The following STK32B variants were observed in gnomAD, a reference collection of about 807,000 sequenced individuals.
The protein encoded by STK32B is serine/threonine kinase 32B.
A neutral mutation model predicts 52.6 loss-of-function variants in STK32B; 43 were observed. The observed-to-expected ratio is 0.82, with a 90% CI of 0.64 to 1.05. The LOEUF is 1.05. STK32B is among the 50% of genes least tolerant of loss of function. The pLI, the probability that STK32B is intolerant of heterozygous loss-of-function variation, is 0.00. For synonymous variants in STK32B, 238 were observed against 204.3 expected (o/e 1.17, Z -1.41); for missense variants, 621 against 534.6 (o/e 1.16, Z -1.59).
At chr4:5,381,676 C>T (rs1735944534) in intron 4 of STK32B, among the ~76,000 whole-genome samples, 1 of 152,208 alleles carries the variant, frequency 6.6e-6, no homozygotes, top group Non-Finnish European at 1.5e-5. Flanking sequence ...ATTTGTAATA[C>T]ATTTCTTTTT....
intron 3 of STK32B, among the ~76,000 whole-genome samples, chr4:5,267,796 C>T (rs546071329): frequency 5.3e-4 from 81 of 152,262 alleles, no homozygotes; most frequent in African/African-American, 1.8e-3. Flanking sequence ...TCTAAAGAGA[C>T]GCTGCTTGTA....
chr4:5,499,291 G>C lies in STK32B; in HGVS notation c.*208G>C. On this transcript the variant is annotated 3_prime_UTR_variant, in exon 12 of 12. Transcript: ENST00000282908. ...CTCAGACAAGTCACGCCCTCTCTGT[G>C]CCTCCGTTTTCTGCATCTGCCAAAG... 7.2e-6 allele frequency: 4 copies of C among 551,874 alleles called. No individual in the cohort carries two copies. The highest frequency in any genetic ancestry group is 1.1e-5 in the Non-Finnish European group (4 of 356,356). 34.2% of individuals were successfully genotyped at this position (551,874 alleles called of 1,614,324 possible).
chr4:5,394,021 A>G lies in STK32B; in HGVS notation c.435-4186A>G, dbSNP rs138105919. 1.1e-3 allele frequency among the ~76,000 whole-genome samples: 161 copies of G among 152,218 alleles called. No individual in the cohort carries two copies. Among genetic ancestry groups the G allele is most frequent in the African/African-American group, 3.7e-3 (155 of 41,530 alleles). Reference sequence around the variant, plus strand: ...TTTTTGTATTTCTCTTTACTGCTGCATAAGATTGCCAGCATAGAATATTGA... The same window carrying G: ...TTTTTGTATTTCTCTTTACTGCTGCGTAAGATTGCCAGCATAGAATATTGA... On this transcript the variant is annotated intron_variant, in intron 4 of 11. Coordinates refer to ENST00000282908, the MANE Select transcript of STK32B (RefSeq NM_018401.3). This position sits in a 1 kb window ranked among gnomAD's most constrained non-coding sequence, Gnocchi z 4.2.
At chr4:5,314,278 G>A (rs574170019) in intron 3 of STK32B, among the ~76,000 whole-genome samples, 2 of 152,292 alleles carry the variant, frequency 1.3e-5, no homozygotes, top group East Asian at 3.9e-4. Context: ...AGTTTCAAAA[G>A]CAATATCATG....
chr4:5,094,183 G>A (rs62293060), intron 1 of STK32B, among the ~76,000 whole-genome samples: 12,817 of 152,168 alleles, frequency 0.084, 674 homozygotes, highest in East Asian at 0.17. Context: ...AGAAAAAGCC[G>A]TCACTATATG....
At chr4:5,370,033 C>A (rs1174225174) in intron 4 of STK32B, among the ~76,000 whole-genome samples, 1 of 151,948 alleles carries the variant, frequency 6.6e-6, no homozygotes, top group East Asian at 1.9e-4. Flanking sequence ...CACCATCACG[C>A]CCGGCTAATT....
chr4:5,276,028 C>T (rs1165508424), intron 3 of STK32B, among the ~76,000 whole-genome samples: 1 of 152,120 alleles, frequency 6.6e-6, no homozygotes, highest in Non-Finnish European at 1.5e-5. Flanking sequence ...GTGGCTCATG[C>T]CTGTAACCCC....
intron 6 of STK32B, among the ~76,000 whole-genome samples, chr4:5,429,456 C>T (rs1434259941): frequency 6.6e-6 from 1 of 151,956 alleles, no homozygotes; most frequent in African/African-American, 2.4e-5. Context: ...CTTTAAAAAA[C>T]AATATACATC....
At chr4:5,137,975 G>GC (rs1716173725) in intron 1 of STK32B, among the ~76,000 whole-genome samples, 1 of 152,198 alleles carries the variant, frequency 6.6e-6, no homozygotes, top group African/African-American at 2.4e-5. Context: ...AGTGGTACCT[G>GC]CCCCGTGGGG....
At position 5,460,262 on chromosome 4, in the gene STK32B, C is replaced by A. The variant is rs771723453; in HGVS notation, c.909+34C>A. The A allele has an allele frequency of 1.3e-6, 2 of 1,589,612 alleles. No homozygotes were observed. The highest frequency in any genetic ancestry group is 1.2e-5 in the South Asian group (1 of 86,222). On this transcript the variant is annotated intron_variant, in intron 9 of 11. Coordinates refer to ENST00000282908, the MANE Select transcript of STK32B (RefSeq NM_018401.3). The surrounding 1 kb of genome is among the most constrained non-coding windows in gnomAD (Gnocchi z 4.8). The stretch of plus-strand genomic sequence containing the variant: ...AAGTCCCACCTGATGTCATGCCACC[C>A]CTCTGCAGGGTCCCCGCCTTGGTGC...
At position 5,155,635 on chromosome 4, in the gene STK32B, C is replaced by A. The variant is rs181284747; in HGVS notation, c.109-12664C>A. ...GTGGGAGGTGACTGGTTCCTGGGGG[C>A]GGTTTCCCCCATGCTGTTCTCATGA... On this transcript the variant is annotated intron_variant, in intron 2 of 11. Coordinates refer to ENST00000282908, the MANE Select transcript of STK32B (RefSeq NM_018401.3). 8.4e-4 allele frequency among the ~76,000 whole-genome samples: 128 copies of A among 152,192 alleles called. 1 individual carries two copies. Among genetic ancestry groups the A allele is most frequent in the Non-Finnish European group, 9.6e-4 (65 of 67,982 alleles).
At chr4:5,495,236 T>C (rs539583022) in intron 11 of STK32B, among the ~76,000 whole-genome samples, 34 of 152,308 alleles carry the variant, frequency 2.2e-4, no homozygotes, top group African/African-American at 7.9e-4. Flanking sequence ...ATTTGGTCTT[T>C]TCACATAGTC....
chr4:5,246,620 C>A (rs1725468854), intron 3 of STK32B, among the ~76,000 whole-genome samples: 1 of 152,178 alleles, frequency 6.6e-6, no homozygotes, highest in South Asian at 2.1e-4. Flanking sequence ...TGATGAGGAG[C>A]TGCGTTCCTT....
intron 3 of STK32B, among the ~76,000 whole-genome samples, chr4:5,221,445 T>C (rs60000524): frequency 0.016 from 2,373 of 152,214 alleles, 66 homozygotes; most frequent in African/African-American, 0.054. Context: ...TTGGAATGAT[T>C]TTACTGTTTG....
intron 3 of STK32B, among the ~76,000 whole-genome samples, chr4:5,292,161 G>A (rs1383239441): frequency 1.3e-5 from 2 of 152,070 alleles, no homozygotes; most frequent in Non-Finnish European, 2.9e-5. Flanking sequence ...TATATACCCC[G>A]TAATGAGATT....
chr4:5,331,461 C>T, intron 4 of STK32B, 68 bp downstream of exon 4: 1 of 1,513,584 alleles, frequency 6.6e-7, no homozygotes, highest in South Asian at 1.3e-5. Context: ...GAGCAGTCTG[C>T]AGTAGTGGGG....
intron 3 of STK32B, among the ~76,000 whole-genome samples, chr4:5,191,435 T>C (rs965208983): frequency 6.6e-6 from 1 of 152,000 alleles, no homozygotes; most frequent in African/African-American, 2.4e-5. Context: ...TGTATTTTTT[T>C]AGTAGAGACA....
At chr4:5,353,861 G>A (rs1734004270) in intron 4 of STK32B, among the ~76,000 whole-genome samples, 1 of 152,170 alleles carries the variant, frequency 6.6e-6, no homozygotes, top group Non-Finnish European at 1.5e-5. Context: ...ACTACCATCT[G>A]ATCCAGGAAT....
intron 4 of STK32B, among the ~76,000 whole-genome samples, chr4:5,372,948 T>A (rs976103576): frequency 5.3e-5 from 8 of 152,228 alleles, no homozygotes; most frequent in Admixed American, 1.3e-4. Context: ...CCTCATTTCA[T>A]TCATTTGAAG....
Sources: allele counts gnomAD v4.1 joint callset (sites outside exome capture counted in the v4.1 genomes callset), GRCh38; gene constraint gnomAD v4.1.1; non-coding constraint Gnocchi (gnomAD v3.1); transcripts MANE v1.5; gene names NCBI Gene and HGNC (gene_info 2026-07-23, HGNC 2026-07-21).